WDR27: variants seen among roughly 807,000 people sequenced by gnomAD.
WDR27 encodes WD repeat-containing protein 27.
Under a neutral mutation model 114.4 loss-of-function variants are expected in WDR27, and 100 were observed. That is an observed-to-expected ratio of 0.87 (90% CI 0.74 to 1.03). WDR27 has a LOEUF of 1.03. Ranked by LOEUF, WDR27 falls within the 50% of genes least tolerant of loss-of-function variation. WDR27 has a pLI of 0.00. For synonymous variants in WDR27, 449 were observed against 423.1 expected, an observed-to-expected ratio of 1.06 and a Z score of -0.75; for missense variants, 1,129 against 1,092.9, an observed-to-expected ratio of 1.03 and a Z score of -0.47.
chr6:169,686,468 G>T (rs1782981467), intron 2 of WDR27, among the ~76,000 whole-genome samples: 1 of 152,014 alleles, frequency 6.6e-6, no homozygotes, highest in South Asian at 2.1e-4. Context: ...GATATAGACT[G>T]GCTGAATAAA....
chr6:169,645,981 AG>A (rs1287916676), intron 16 of WDR27, among the ~76,000 whole-genome samples: 1 of 152,204 alleles, frequency 6.6e-6, no homozygotes, highest in Non-Finnish European at 1.5e-5. Context: ...CTCACACTGT[AG>A]AAAAGCCTAG....
At chr6:169,567,294 T>C (rs2867145) in intron 25 of WDR27, among the ~76,000 whole-genome samples, 14,137 of 152,148 alleles carry the variant, frequency 0.093, 1,736 homozygotes, top group East Asian at 0.58. Flanking sequence ...GGAGTCCAGG[T>C]TGGCGCAGTT....
intron 25 of WDR27, among the ~76,000 whole-genome samples, chr6:169,517,391 C>T (rs1378030220): frequency 6.6e-6 from 1 of 152,128 alleles, no homozygotes; most frequent in African/African-American, 2.4e-5. Flanking sequence ...AACACAAGAA[C>T]AGCCTACCAC....
At chr6:169,511,286 T>A (rs766666550) in intron 25 of WDR27, among the ~76,000 whole-genome samples, 1 of 152,248 alleles carries the variant, frequency 6.6e-6, no homozygotes, top group Non-Finnish European at 1.5e-5. Flanking sequence ...ATTCTCTGAA[T>A]GTTTATCAAA....
intron 25 of WDR27, among the ~76,000 whole-genome samples, chr6:169,499,525 T>C (rs974426863): frequency 6.6e-6 from 1 of 152,256 alleles, no homozygotes; most frequent in South Asian, 2.1e-4. Context: ...AACGTCGTGA[T>C]ATTAGAGTGT....
rs371732097 is a variant in WDR27, at chr6:169,602,153, T to C, written c.2424+66A>G. 147 of 1,221,306 alleles carry C rather than the reference T, an allele frequency of 1.2e-4. 1 individual carries two copies. In the African/African-American group the frequency reaches 2.1e-3, roughly 18 times the overall value. 75.7% of individuals were successfully genotyped at this position (1,221,306 alleles called of 1,614,324 possible). On this transcript the variant is annotated intron_variant, in intron 23 of 25. Transcript: ENST00000448612. Reference sequence around the variant, plus strand: ...GTTTCTATCCTAATATGCAACAATATTAAACAGTCTACACATTACCAAAGT... The same window carrying C: ...GTTTCTATCCTAATATGCAACAATACTAAACAGTCTACACATTACCAAAGT...
At chr6:169,654,773 A>G (rs1045579952) in intron 13 of WDR27, among the ~76,000 whole-genome samples, 16 of 141,534 alleles carry the variant, frequency 1.1e-4, no homozygotes, top group African/African-American at 2.9e-4. Context: ...CGCACAGCAG[A>G]AGGAGGCGCG....
rs1312326274 is a variant in WDR27, at chr6:169,478,690, T to TCAA, written c.2646-21059_2646-21057dup. On this transcript the variant is annotated intron_variant, in intron 25 of 25. Transcript: ENST00000448612. Reference sequence around the variant, plus strand: ...CTAAAACAACATGGTACTGGTAAAATCAACAACAACAACAATAAAACAGAC... The same window carrying TCAA: ...CTAAAACAACATGGTACTGGTAAAATCAACAACAACAACAACAATAAAACAGAC... Among the ~76,000 whole-genome samples the TCAA allele has an allele frequency of 6.6e-5, 10 of 151,760 alleles. No individual in the cohort carries two copies. In the South Asian group the frequency reaches 1.2e-3, roughly 19 times the overall value.
At chr6:169,465,993 C>T (rs1198541538) in intron 25 of WDR27, among the ~76,000 whole-genome samples, 1 of 152,154 alleles carries the variant, frequency 6.6e-6, no homozygotes, top group Non-Finnish European at 1.5e-5. Context: ...TCACTATAGA[C>T]TTAAGAATGG....
At chr6:169,498,432 T>C (rs1261489867) in intron 25 of WDR27, among the ~76,000 whole-genome samples, 1 of 152,170 alleles carries the variant, frequency 6.6e-6, no homozygotes, top group Non-Finnish European at 1.5e-5. Context: ...AATGGTTAGG[T>C]TGGCAAATTT....
At chr6:169,616,481 C>T (rs997375652) in intron 21 of WDR27, among the ~76,000 whole-genome samples, 3 of 151,782 alleles carry the variant, frequency 2.0e-5, no homozygotes, top group African/African-American at 7.3e-5. Flanking sequence ...AGCAAGACTC[C>T]GTCTCCAAAA....
rs375016210 is a variant in WDR27, at chr6:169,661,052, G to A, written c.1026-286C>T. 3.1e-3 allele frequency among the ~76,000 whole-genome samples: 466 copies of A among 151,992 alleles called. 3 individuals carry two copies. The highest frequency in any genetic ancestry group is 0.011 in the African/African-American group (436 of 41,298). Reference sequence around the variant, plus strand: ...CCCCTGGCCTGGCTGTGAGCTCTCCGCAGGAGTGGAGAGCGTGGGCCGGGG... The same window carrying A: ...CCCCTGGCCTGGCTGTGAGCTCTCCACAGGAGTGGAGAGCGTGGGCCGGGG... On this transcript the variant is annotated intron_variant, in intron 9 of 25. Coordinates refer to ENST00000448612, the MANE Select transcript of WDR27 (RefSeq NM_182552.5).
chr6:169,583,900 C>T (rs902343375), intron 23 of WDR27, among the ~76,000 whole-genome samples: 35 of 152,130 alleles, frequency 2.3e-4, no homozygotes, highest in African/African-American at 7.5e-4. Context: ...CATCTCACAT[C>T]GCTACTTGTA....
At chr6:169,445,911 G>A in the WDR27 span, among the ~76,000 whole-genome samples, 2 of 152,356 alleles carry the variant, frequency 1.3e-5, no homozygotes, top group Admixed American at 6.5e-5. Context: ...GGGGTGGGGG[G>A]AGGCAGGCCC....
In WDR27 at chr6:169,513,826, T is replaced by C. The variant is rs969760695; in HGVS notation, c.2646-56192A>G. ...CTACCTCTGCCAATCCCTGTGCCAATAGACATGGGCACAGCCCTAAAGAGA... is the reference window on the plus strand; with the variant it reads ...CTACCTCTGCCAATCCCTGTGCCAACAGACATGGGCACAGCCCTAAAGAGA... On this transcript the variant is annotated intron_variant, in intron 25 of 25. Coordinates refer to ENST00000448612, the MANE Select transcript of WDR27 (RefSeq NM_182552.5). Among the ~76,000 whole-genome samples, 23 of 151,944 alleles carry C rather than the reference T, an allele frequency of 1.5e-4. 1 individual carries two copies. Among genetic ancestry groups the C allele is most frequent in the African/African-American group, 1.4e-4 (6 of 41,386 alleles).
At chr6:169,540,906 C>T (rs1253376100) in intron 25 of WDR27, among the ~76,000 whole-genome samples, 2 of 152,214 alleles carry the variant, frequency 1.3e-5, no homozygotes, top group East Asian at 3.9e-4. Context: ...TTCTCAGAAC[C>T]CTCATTTTAT....
At chr6:169,470,320 T>C (rs1311353817) in intron 25 of WDR27, among the ~76,000 whole-genome samples, 4 of 152,228 alleles carry the variant, frequency 2.6e-5, no homozygotes, top group Admixed American at 6.5e-5. Flanking sequence ...TCACCACTAT[T>C]GTCTGCATCT....
intron 13 of WDR27, among the ~76,000 whole-genome samples, chr6:169,655,308 T>C (rs1823818048): frequency 6.6e-6 from 1 of 152,182 alleles, no homozygotes; most frequent in South Asian, 2.1e-4. Context: ...CGACCTGCCA[T>C]GTGGGGAACC....
intron 16 of WDR27, 62 bp downstream of exon 16, chr6:169,647,711 G>C (rs1329945040): frequency 7.6e-7 from 1 of 1,311,112 alleles, no homozygotes; most frequent in African/African-American, 1.5e-5. Flanking sequence ...AATGTTTACA[G>C]TGGGCAGAAT....
Sources: allele counts gnomAD v4.1 joint callset (sites outside exome capture counted in the v4.1 genomes callset), GRCh38; gene constraint gnomAD v4.1.1; transcripts MANE v1.5; gene names NCBI Gene and HGNC (gene_info 2026-07-23, HGNC 2026-07-21).